Variants in CDH18 observed in about 807,000 individuals in gnomAD.
The protein encoded by CDH18 is cadherin-18.
In CDH18, 31 loss-of-function variants were observed where a neutral mutation model predicts 67.9. That is an observed-to-expected ratio of 0.46 (90% CI 0.34 to 0.62). The LOEUF (loss-of-function observed/expected upper bound fraction) is 0.62. Ranked by LOEUF, CDH18 falls within the 20% of genes least tolerant of loss-of-function variation. CDH18 has a pLI of 0.01. For synonymous variants in CDH18, 362 were observed against 347.2 expected, an observed-to-expected ratio of 1.04 and a Z score of -0.48; for missense variants, 890 against 975.5, an observed-to-expected ratio of 0.91 and a Z score of 1.17.
intron 2 of CDH18, among the ~76,000 whole-genome samples, chr5:19,865,001 T>C (rs1785329841): frequency 1.3e-5 from 2 of 152,132 alleles, no homozygotes; most frequent in African/African-American, 2.4e-5. Context: ...CACAATCACC[T>C]AGCTCCTCAA....
chr5:20,328,392 G>A (rs890318600), intron 1 of CDH18, among the ~76,000 whole-genome samples: 7 of 151,924 alleles, frequency 4.6e-5, no homozygotes, highest in South Asian at 2.1e-4. Flanking sequence ...TAATCATGTT[G>A]AGAGTAAAAG....
chr5:20,406,489 A>C (rs112246964), intron 1 of CDH18, among the ~76,000 whole-genome samples: 2 of 151,984 alleles, frequency 1.3e-5, no homozygotes, highest in African/African-American at 4.8e-5. Flanking sequence ...TGACGAGTTA[A>C]TGGGTGCAGC....
intron 2 of CDH18, among the ~76,000 whole-genome samples, chr5:19,943,897 G>GT: frequency 6.6e-6 from 1 of 152,084 alleles, no homozygotes; most frequent in Admixed American, 6.6e-5. Flanking sequence ...AATATAAGCA[G>GT]TTTTTTTCTA....
intron 3 of CDH18, among the ~76,000 whole-genome samples, chr5:19,748,791 T>TC (rs1170700780): frequency 6.6e-6 from 1 of 152,106 alleles, no homozygotes; most frequent in Non-Finnish European, 1.5e-5. Context: ...AGATTTTTTT[T>TC]CTGGGAAAAT....
rs528972731 is a variant in CDH18 at position 19,722,803 on chromosome 5, T to C, written c.524-1337A>G. 2.0e-5 allele frequency among the ~76,000 whole-genome samples: 3 copies of C among 152,280 alleles called. No homozygotes were observed. In the East Asian group the frequency reaches 5.8e-4, roughly 29 times the overall value. ...GTTATCTATCAAGTAAAAATGTTTTTACAATCAATTGATCTTGTATGGAAT... is the reference window on the plus strand; with the variant it reads ...GTTATCTATCAAGTAAAAATGTTTTCACAATCAATTGATCTTGTATGGAAT... On this transcript the variant is annotated intron_variant, in intron 4 of 12. Coordinates refer to ENST00000382275, the MANE Select transcript of CDH18 (RefSeq NM_004934.5).
chr5:19,634,577 A>C (rs2150194390), intron 5 of CDH18, among the ~76,000 whole-genome samples: 1 of 152,312 alleles, frequency 6.6e-6, no homozygotes, highest in Non-Finnish European at 1.5e-5. Context: ...TTATTGTTTT[A>C]TGTTATCATG....
chr5:20,473,683 C>T (rs1213526793), intron 1 of CDH18, among the ~76,000 whole-genome samples: 1 of 152,054 alleles, frequency 6.6e-6, no homozygotes, highest in Non-Finnish European at 1.5e-5. Flanking sequence ...AAAGTGTCTC[C>T]TGAAATGTAT....
intron 1 of CDH18, among the ~76,000 whole-genome samples, chr5:20,360,111 AAT>A (rs1245917089): frequency 6.9e-6 from 1 of 145,380 alleles, no homozygotes; most frequent in East Asian, 2.0e-4. Flanking sequence ...ATAATTCTAT[AAT>A]ATATGTTATA....
intron 1 of CDH18, among the ~76,000 whole-genome samples, chr5:20,362,331 T>G (rs1007785982): frequency 1.3e-5 from 2 of 152,088 alleles, no homozygotes; most frequent in African/African-American, 4.8e-5. Context: ...GATAAATTAA[T>G]AAGGAGGAGG....
At chr5:20,538,904 T>TTTTG (rs1756884106) in intron 1 of CDH18, among the ~76,000 whole-genome samples, 1 of 127,618 alleles carries the variant, frequency 7.8e-6, no homozygotes, top group Non-Finnish European at 1.6e-5. Context: ...AACTGTTTTT[T>TTTTG]TTTTGTTTTT....
intron 2 of CDH18, among the ~76,000 whole-genome samples, chr5:20,025,920 C>A (rs2150442083): frequency 6.6e-6 from 1 of 152,302 alleles, no homozygotes; most frequent in South Asian, 2.1e-4. Context: ...AAGTAATAAC[C>A]TGTGCTTGGA....
chr5:20,266,646 C>T (rs1343985285), intron 1 of CDH18, among the ~76,000 whole-genome samples: 1 of 122,372 alleles, frequency 8.2e-6, no homozygotes, highest in Non-Finnish European at 1.6e-5. Context: ...CCAGGCTGGT[C>T]TTGAACTCAG....
chr5:19,645,899 T>C (rs1419943787), intron 5 of CDH18, among the ~76,000 whole-genome samples: 1 of 152,156 alleles, frequency 6.6e-6, no homozygotes, highest in Non-Finnish European at 1.5e-5. Flanking sequence ...ATAGAAATAA[T>C]ATCATCTATT....
At chr5:20,385,661 G>A (rs998258987) in intron 1 of CDH18, among the ~76,000 whole-genome samples, 1 of 152,126 alleles carries the variant, frequency 6.6e-6, no homozygotes, top group African/African-American at 2.4e-5. Context: ...AACATCAAGA[G>A]GGGGATATTT....
At chr5:20,385,915 T>C (rs1339811615) in intron 1 of CDH18, among the ~76,000 whole-genome samples, 1 of 152,244 alleles carries the variant, frequency 6.6e-6, no homozygotes, top group South Asian at 2.1e-4. Context: ...CATATTCTTA[T>C]TTAAAATACA....
At chr5:20,225,756 C>T (rs569716135) in intron 2 of CDH18, among the ~76,000 whole-genome samples, 55 of 152,136 alleles carry the variant, frequency 3.6e-4, no homozygotes, top group Middle Eastern at 3.4e-3. Context: ...AAATGGATGC[C>T]TACAGAAGGT....
intron 2 of CDH18, among the ~76,000 whole-genome samples, chr5:19,958,530 C>G (rs779926940): frequency 6.6e-6 from 1 of 151,902 alleles, no homozygotes; most frequent in African/African-American, 2.4e-5. Flanking sequence ...TGTTTATACC[C>G]TCAGTACCTA....
intron 2 of CDH18, among the ~76,000 whole-genome samples, chr5:20,006,651 G>A (rs1391575154): frequency 6.6e-6 from 1 of 151,754 alleles, no homozygotes; most frequent in African/African-American, 2.4e-5. Context: ...TTTATAATTA[G>A]AAACTACATT....
At chr5:19,832,267 A>T (rs950234115) in intron 3 of CDH18, among the ~76,000 whole-genome samples, 7 of 152,228 alleles carry the variant, frequency 4.6e-5, no homozygotes, top group Admixed American at 1.3e-4. Flanking sequence ...AAAGGTAGAA[A>T]TTTTTTCAAG....
Sources: gnomAD v4.1 joint callset for allele counts (sites outside exome capture counted in the v4.1 genomes callset) on GRCh38, gnomAD v4.1.1 for gene constraint, MANE v1.5 for transcripts, NCBI Gene and HGNC (gene_info 2026-07-23, HGNC 2026-07-21) for gene names.